Variants in MTUS2 observed in about 807,000 individuals in gnomAD.
MTUS2 encodes microtubule associated scaffold protein 2.
A neutral mutation model predicts 114.1 loss-of-function variants in MTUS2; 40 were observed. The observed-to-expected ratio is 0.35, with a 90% CI of 0.27 to 0.46. The LOEUF (loss-of-function observed/expected upper bound fraction) is 0.46. Among genes scored for constraint, MTUS2 ranks in the 20% least tolerant of loss-of-function variants. MTUS2 has a pLI of 1.00. For missense variants in MTUS2, 1,679 were observed against 1,705.4 expected, an observed-to-expected ratio of 0.98 and a Z score of 0.27; for synonymous variants, 688 against 672.0, an observed-to-expected ratio of 1.02 and a Z score of -0.37.
At chr13:29,493,050 AG>A (rs1882303077) in intron 12 of MTUS2, among the ~76,000 whole-genome samples, 1 of 152,172 alleles carries the variant, frequency 6.6e-6, no homozygotes, top group African/African-American at 2.4e-5. Flanking sequence ...AAGCAAGAGG[AG>A]GACTGGGGGA....
Position 29,040,235 on chromosome 13 carries a change from T to C in MTUS2, c.2446+6110T>C, listed in dbSNP as rs554844707. Reference sequence around the variant, plus strand: ...CATATGATGTTTACTTTTCCATTCCTGAGTTACTTCGCTTAGAATAATGGT... The same window carrying C: ...CATATGATGTTTACTTTTCCATTCCCGAGTTACTTCGCTTAGAATAATGGT... On this transcript the variant is annotated intron_variant, in intron 4 of 15. Coordinates refer to ENST00000612955, the MANE Select transcript of MTUS2 (RefSeq NM_001033602.4). 1.3e-4 allele frequency among the ~76,000 whole-genome samples: 20 copies of C among 152,356 alleles called. 1 individual carries two copies. Among genetic ancestry groups the C allele is most frequent in the African/African-American group, 4.8e-4 (20 of 41,586 alleles).
intron 4 of MTUS2, among the ~76,000 whole-genome samples, chr13:29,087,925 G>A (rs907349327): frequency 1.3e-5 from 2 of 152,082 alleles, no homozygotes; most frequent in African/African-American, 4.8e-5. Flanking sequence ...CAGGCGTGGT[G>A]GTGGGTGCCT....
intron 4 of MTUS2, among the ~76,000 whole-genome samples, chr13:29,070,675 C>T (rs1315346671): frequency 9.7e-6 from 1 of 103,078 alleles, no homozygotes; most frequent in Non-Finnish European, 2.6e-5. Flanking sequence ...ATTTGTTAAA[C>T]TGTTTGAAAC....
At chr13:29,104,308 G>A (rs945884456) in intron 5 of MTUS2, among the ~76,000 whole-genome samples, 1 of 152,082 alleles carries the variant, frequency 6.6e-6, no homozygotes, top group African/African-American at 2.4e-5. Context: ...ACTGAGATCA[G>A]GTTGACTTGC....
In MTUS2 at chr13:29,192,580, G is replaced by C. The variant is rs183226107; in HGVS notation, c.2645-89124G>C. 3.9e-5 allele frequency among the ~76,000 whole-genome samples: 6 copies of C among 152,244 alleles called. No homozygotes were observed. In the East Asian group the frequency reaches 1.2e-3, roughly 29 times the overall value. ...CAACACAAAGAAATGATAAATGTTT[G>C]AGATGATATATATGCTAATTACCCT... On this transcript the variant is annotated intron_variant, in intron 5 of 15. Coordinates refer to ENST00000612955, the MANE Select transcript of MTUS2 (RefSeq NM_001033602.4).
intron 5 of MTUS2, among the ~76,000 whole-genome samples, chr13:29,183,010 C>A (rs1894070899): frequency 6.6e-6 from 1 of 152,128 alleles, no homozygotes; most frequent in African/African-American, 2.4e-5. Context: ...GGCCCTTTGG[C>A]CTTACTCTGT....
At chr13:29,259,888 C>T (rs1169310178) in intron 5 of MTUS2, among the ~76,000 whole-genome samples, 1 of 152,178 alleles carries the variant, frequency 6.6e-6, no homozygotes, top group Non-Finnish European at 1.5e-5. Context: ...ACAGTGCTTG[C>T]TTTTCTGATG....
chr13:29,204,799 A>G (rs1445680515), intron 5 of MTUS2, among the ~76,000 whole-genome samples: 1 of 152,210 alleles, frequency 6.6e-6, no homozygotes, highest in African/African-American at 2.4e-5. Context: ...CAGCTTCGTG[A>G]CCATTGGCCT....
At chr13:29,448,747 A>G (rs933316146) in intron 9 of MTUS2, among the ~76,000 whole-genome samples, 1 of 129,074 alleles carries the variant, frequency 7.7e-6, no homozygotes, top group African/African-American at 3.0e-5. Context: ...TGAAAAACAG[A>G]GTGCTCTTTT....
intron 4 of MTUS2, among the ~76,000 whole-genome samples, chr13:29,037,202 C>T (rs901950267): frequency 2.6e-5 from 4 of 152,172 alleles, no homozygotes; most frequent in South Asian, 2.1e-4. Context: ...GTAAGGCAGG[C>T]CTGGTGGTGA....
intron 2 of MTUS2, among the ~76,000 whole-genome samples, chr13:28,946,482 G>A (rs901511931): frequency 2.6e-5 from 4 of 152,076 alleles, no homozygotes; most frequent in African/African-American, 9.7e-5. Flanking sequence ...TGAGGGAGAT[G>A]GCTTGATCAG....
At position 29,317,430 on chromosome 13, in the gene MTUS2, C is replaced by G. The variant is rs1420477125; in HGVS notation, c.2807-7183C>G. ...TCGCTTGTGCGCGCGCTCTCTCTCTCTCTTTTTTTTTTTTTTTTTGAGACG... is the reference window on the plus strand; with the variant it reads ...TCGCTTGTGCGCGCGCTCTCTCTCTGTCTTTTTTTTTTTTTTTTTGAGACG... On this transcript the variant is annotated intron_variant, in intron 6 of 15. Coordinates refer to ENST00000612955, the MANE Select transcript of MTUS2 (RefSeq NM_001033602.4). 3.8e-5 allele frequency among the ~76,000 whole-genome samples: 2 copies of G among 53,324 alleles called. 1 individual carries two copies. The highest frequency in any genetic ancestry group is 1.3e-4 in the African/African-American group (2 of 15,732). The allele number at this position is 53,324 out of a possible 152,430, so 35.0% of individuals were successfully genotyped here. A position where few individuals can be genotyped will look rare whatever the true frequency, so the allele number is the denominator to read the frequency against.
In MTUS2 at chr13:28,905,548, G is replaced by T. The variant is rs1231843582; in HGVS notation, c.-243+65698G>T. ...TGTCTTTGGTTCTGTTTATATGCTGGATTACATTTATTGATTTTCGTATGT... is the reference window on the plus strand; with the variant it reads ...TGTCTTTGGTTCTGTTTATATGCTGTATTACATTTATTGATTTTCGTATGT... On this transcript the variant is annotated intron_variant, in intron 2 of 15. Transcript: ENST00000612955. Among the ~76,000 whole-genome samples the T allele has an allele frequency of 4.9e-4, 74 of 151,658 alleles. 1 individual carries two copies. The highest frequency in any genetic ancestry group is 1.7e-3 in the African/African-American group (71 of 41,132).
chr13:29,212,478 C>T (rs7995580), intron 5 of MTUS2, among the ~76,000 whole-genome samples: 3,721 of 152,242 alleles, frequency 0.024, 145 homozygotes, highest in African/African-American at 0.084. Flanking sequence ...ACAGACCATA[C>T]AGGTTAAGGG....
At chr13:29,458,795 T>C (rs1879288814) in intron 9 of MTUS2, among the ~76,000 whole-genome samples, 1 of 152,234 alleles carries the variant, frequency 6.6e-6, no homozygotes, top group Admixed American at 6.5e-5. Flanking sequence ...CTATGTTAGT[T>C]CAAGTGCAGA....
chr13:29,318,463 G>A (rs1270874145), intron 6 of MTUS2, among the ~76,000 whole-genome samples: 4 of 141,652 alleles, frequency 2.8e-5, no homozygotes, highest in Non-Finnish European at 6.0e-5. Context: ...GGGACTCAGG[G>A]GACTAATGGA....
At chr13:29,248,775 G>T (rs1897017883) in intron 5 of MTUS2, among the ~76,000 whole-genome samples, 1 of 152,134 alleles carries the variant, frequency 6.6e-6, no homozygotes, top group Non-Finnish European at 1.5e-5. Flanking sequence ...ATGGCTTCCA[G>T]CTTCATCCAT....
intron 6 of MTUS2, among the ~76,000 whole-genome samples, chr13:29,291,084 C>T (rs938429601): frequency 6.6e-6 from 1 of 152,216 alleles, no homozygotes; most frequent in Non-Finnish European, 1.5e-5. Context: ...TGGCCTCCAG[C>T]AGGTACCCGA....
At chr13:29,266,986 T>C (rs1259195515) in intron 5 of MTUS2, among the ~76,000 whole-genome samples, 1 of 152,100 alleles carries the variant, frequency 6.6e-6, no homozygotes, top group African/African-American at 2.4e-5. Flanking sequence ...CTACGTTGAG[T>C]CATCTGTGCT....
Sources: gnomAD v4.1 joint callset for allele counts (sites outside exome capture counted in the v4.1 genomes callset) on GRCh38, gnomAD v4.1.1 for gene constraint, MANE v1.5 for transcripts, NCBI Gene and HGNC (gene_info 2026-07-23, HGNC 2026-07-21) for gene names.